Variants in CACNA2D3 observed in about 807,000 individuals in gnomAD.
The protein encoded by CACNA2D3 is calcium voltage-gated channel auxiliary subunit alpha2delta 3, also known as voltage-dependent calcium channel subunit alpha-2/delta-3.
Under a neutral mutation model 160.6 loss-of-function variants are expected in CACNA2D3, and 60 were observed. The observed-to-expected ratio is 0.37, with a 90% CI of 0.30 to 0.46. CACNA2D3 has a LOEUF of 0.46. Ranked by LOEUF, CACNA2D3 falls within the 20% of genes least tolerant of loss-of-function variation. The pLI, the probability that CACNA2D3 is intolerant of heterozygous loss-of-function variation, is 1.00. For missense variants in CACNA2D3, 1,205 were observed against 1,365.0 expected (o/e 0.88, Z 1.85); for synonymous variants, 558 against 492.9 (o/e 1.13, Z -1.75).
At position 54,502,124 on chromosome 3, in the gene CACNA2D3, A is replaced by G. The variant is rs569919616; in HGVS notation, c.382-1368A>G. On this transcript the variant is annotated intron_variant, in intron 4 of 37. Transcript: ENST00000474759. Reference sequence around the variant, plus strand: ...ATGTGTAGATGTAAATCTTCGTAATATTCATTGTGTTCAGTGTTCTCTCAA... The same window carrying G: ...ATGTGTAGATGTAAATCTTCGTAATGTTCATTGTGTTCAGTGTTCTCTCAA... Among the ~76,000 whole-genome samples the G allele has an allele frequency of 3.3e-5, 5 of 152,240 alleles. No individual in the cohort carries two copies. In the South Asian group the frequency reaches 8.3e-4, roughly 25 times the overall value.
intron 35 of CACNA2D3, among the ~76,000 whole-genome samples, chr3:55,049,107 T>C (rs1246781675): frequency 6.6e-6 from 1 of 152,024 alleles, no homozygotes; most frequent in Admixed American, 6.5e-5. Flanking sequence ...TTTCCTTCCG[T>C]TCTGCTCTGA....
intron 5 of CACNA2D3, among the ~76,000 whole-genome samples, chr3:54,517,780 C>T (rs1412270584): frequency 5.3e-5 from 8 of 152,170 alleles, no homozygotes; most frequent in Non-Finnish European, 7.4e-5. Flanking sequence ...GCCTTGGGCT[C>T]ACCTTCCTGT....
In CACNA2D3 at chr3:54,680,165, A is replaced by T. The variant is rs1001200268; in HGVS notation, c.1167+37924A>T. 8.7e-4 allele frequency among the ~76,000 whole-genome samples: 133 copies of T among 152,308 alleles called. 1 individual carries two copies. The highest frequency in any genetic ancestry group is 9.1e-4 in the Admixed American group (14 of 15,306). On this transcript the variant is annotated intron_variant, in intron 11 of 37. Coordinates refer to ENST00000474759, the MANE Select transcript of CACNA2D3 (RefSeq NM_018398.3). ...TCCAGATTCATTGAGAAGCTAAAAAAAAAAAATGGTTTGCTAGGGAAAAAT... is the reference window on the plus strand; with the variant it reads ...TCCAGATTCATTGAGAAGCTAAAAATAAAAAATGGTTTGCTAGGGAAAAAT...
rs570205912 is a variant in CACNA2D3 at position 54,183,426 on chromosome 3, G to A, written c.204+59832G>A. Among the ~76,000 whole-genome samples, 21 of 152,082 alleles carry A rather than the reference G, an allele frequency of 1.4e-4. No individual in the cohort carries two copies. In the South Asian group the frequency reaches 4.4e-3, roughly 32 times the overall value. ...GTGACCTGTTTAGTGTCACATAGCT[G>A]ATTGGTGGCAGGGTTAGATCTGCAT... On this transcript the variant is annotated intron_variant, in intron 2 of 37. Transcript: ENST00000474759.
Position 54,570,060 on chromosome 3 carries a change from A to C in CACNA2D3, c.844A>C (p.Ile282Leu), listed in dbSNP as rs1327040700. The C allele has an allele frequency of 6.2e-7, 1 of 1,613,994 alleles. No individual in the cohort carries two copies. Among genetic ancestry groups the C allele is most frequent in the Non-Finnish European group, 8.5e-7 (1 of 1,179,860 alleles). ...TATCGCGAAGCAAACAGTCTCATCC[A>C]TTTTGGATACACTTGGGGATGATGA... ...LTIAKQTVSSILDTLGDDDFF... is the reference protein window; with the variant it reads ...LTIAKQTVSSLLDTLGDDDFF... Residue 282 changes from isoleucine to leucine, a missense_variant, in exon 8 of 38, where the codon ATT becomes CTT. Physicochemically the swap from Ile to Leu is conservative, Grantham distance 5. This residue lies in a region of CACNA2D3 where 131 missense variants were observed against 201.5 expected (regional missense o/e 0.65). Coordinates refer to ENST00000474759, the MANE Select transcript of CACNA2D3 (RefSeq NM_018398.3).
chr3:54,763,651 A>G lies in CACNA2D3; in HGVS notation c.1247-567A>G, dbSNP rs1019419858. On this transcript the variant is annotated intron_variant, in intron 12 of 37. Transcript: ENST00000474759. Reference sequence around the variant, plus strand: ...ACTGTGTGTGTGTGTGTGTGTATATATATGTGTGTGTGTGTGTGTATATAT... The same window carrying G: ...ACTGTGTGTGTGTGTGTGTGTATATGTATGTGTGTGTGTGTGTGTATATAT... 4.7e-5 allele frequency among the ~76,000 whole-genome samples: 6 copies of G among 127,948 alleles called. No individual in the cohort carries two copies. The South Asian group carries it at 1.5e-3, about 32-fold the overall frequency. The allele number at this position is 127,948 out of a possible 152,430, so 83.9% of individuals were successfully genotyped here. A position where few individuals can be genotyped will look rare whatever the true frequency, so the allele number is the denominator to read the frequency against.
intron 3 of CACNA2D3, among the ~76,000 whole-genome samples, chr3:54,353,866 C>A (rs989373315): frequency 1.3e-5 from 2 of 152,162 alleles, no homozygotes; most frequent in Admixed American, 1.3e-4. Context: ...AAAGGCCCCT[C>A]AGGGTGATGC....
At position 54,564,158 on chromosome 3, in the gene CACNA2D3, C is replaced by T. The variant is rs1451831306; in HGVS notation, c.676+1227C>T. On this transcript the variant is annotated intron_variant, in intron 6 of 37. Coordinates refer to ENST00000474759, the MANE Select transcript of CACNA2D3 (RefSeq NM_018398.3). ...CTTGGGAAGCCCCTGGGTAGCCAAC[C>T]GTCTCGCTATGCGGCACTGTGAAGA... 3.3e-5 allele frequency among the ~76,000 whole-genome samples: 5 copies of T among 152,234 alleles called. No individual in the cohort carries two copies. In the East Asian group the frequency reaches 7.7e-4, roughly 24 times the overall value.
intron 27 of CACNA2D3, among the ~76,000 whole-genome samples, chr3:54,904,498 C>G (rs1700411111): frequency 6.6e-6 from 1 of 152,202 alleles, no homozygotes; most frequent in African/African-American, 2.4e-5. Context: ...TTTCAGACTT[C>G]TAGAGATGTG....
intron 4 of CACNA2D3, among the ~76,000 whole-genome samples, chr3:54,392,207 C>A (rs996073444): frequency 6.6e-6 from 1 of 152,138 alleles, no homozygotes; most frequent in African/African-American, 2.4e-5. Context: ...TGATGAATTT[C>A]CAGAAAATTA....
chr3:54,426,198 T>C (rs548243940), intron 4 of CACNA2D3, among the ~76,000 whole-genome samples: 1 of 152,332 alleles, frequency 6.6e-6, no homozygotes, highest in African/African-American at 2.4e-5. Flanking sequence ...GTAGACACAT[T>C]ATTATTTTAT....
chr3:54,243,304 C>T (rs1160998104), intron 2 of CACNA2D3, among the ~76,000 whole-genome samples: 8 of 152,312 alleles, frequency 5.3e-5, no homozygotes, highest in South Asian at 2.1e-4. Context: ...CCAGAAGAAT[C>T]GGCCAAAAAT....
At chr3:54,779,328 A>G (rs7618991) in intron 13 of CACNA2D3, among the ~76,000 whole-genome samples, 38,049 of 151,978 alleles carry the variant, frequency 0.25, 4,878 homozygotes, top group Admixed American at 0.31. Context: ...TGAACTCCTC[A>G]CCTTAGGTGA....
chr3:54,635,117 A>T (rs1453767724), intron 10 of CACNA2D3, among the ~76,000 whole-genome samples: 4 of 151,864 alleles, frequency 2.6e-5, no homozygotes, highest in Non-Finnish European at 5.9e-5. Flanking sequence ...ATCTTATGGT[A>T]AGGGGTGATA....
intron 8 of CACNA2D3, among the ~76,000 whole-genome samples, chr3:54,571,650 T>A (rs1702499780): frequency 6.7e-6 from 1 of 148,158 alleles, no homozygotes; most frequent in South Asian, 2.2e-4. Context: ...TGTGTGTGTG[T>A]GTGTGTGTGG....
At chr3:54,712,334 G>A (rs1243772929) in intron 11 of CACNA2D3, among the ~76,000 whole-genome samples, 4 of 152,134 alleles carry the variant, frequency 2.6e-5, no homozygotes, top group African/African-American at 9.7e-5. Flanking sequence ...TTCTGGAGAC[G>A]CAAGGAGAGT....
intron 3 of CACNA2D3, among the ~76,000 whole-genome samples, chr3:54,353,644 A>G (rs1698602660): frequency 6.6e-6 from 1 of 152,132 alleles, no homozygotes; most frequent in Non-Finnish European, 1.5e-5. Flanking sequence ...GTGTTTGAAA[A>G]TGCTAGCCTC....
At chr3:54,693,341 A>G (rs1282600776) in intron 11 of CACNA2D3, among the ~76,000 whole-genome samples, 1 of 152,228 alleles carries the variant, frequency 6.6e-6, no homozygotes, top group African/African-American at 2.4e-5. Context: ...AAAATATTCC[A>G]GCCACCTAGG....
In CACNA2D3 at chr3:54,529,849, T is replaced by C. The variant is rs944175293; in HGVS notation, c.544+26195T>C. 2.6e-5 allele frequency among the ~76,000 whole-genome samples: 4 copies of C among 152,314 alleles called. 1 individual carries two copies. The highest frequency in any genetic ancestry group is 9.6e-5 in the African/African-American group (4 of 41,566). On this transcript the variant is annotated intron_variant, in intron 5 of 37. Coordinates refer to ENST00000474759, the MANE Select transcript of CACNA2D3 (RefSeq NM_018398.3). The stretch of plus-strand genomic sequence containing the variant: ...TTGCTTTACTTTGGATATTTTAGAT[T>C]TCACAAGCGGCCATCAGGAATTTTA...
Sources: gnomAD v4.1 joint callset for allele counts (sites outside exome capture counted in the v4.1 genomes callset) on GRCh38, gnomAD v4.1.1 for gene constraint, gnomAD v4.1.1 regional missense constraint, MANE v1.5 for transcripts, NCBI Gene and HGNC (gene_info 2026-07-23, HGNC 2026-07-21) for gene names.